NRG3: variants seen among roughly 807,000 people sequenced by gnomAD.
NRG3 encodes the protein pro-neuregulin-3, membrane-bound isoform.
In NRG3, 31 loss-of-function variants were observed where a neutral mutation model predicts 66.9. That is an observed-to-expected ratio of 0.46 (90% CI 0.35 to 0.63). The LOEUF is 0.63. Ranked by LOEUF, NRG3 falls within the 20% of genes least tolerant of loss-of-function variation. NRG3 has a pLI of 0.00. For missense variants in NRG3, 910 were observed against 878.9 expected (o/e 1.04, Z -0.45); for synonymous variants, 393 against 359.4 (o/e 1.09, Z -1.06).
At chr10:82,599,777 A>G (rs1160145953) in intron 2 of NRG3, among the ~76,000 whole-genome samples, 1 of 152,200 alleles carries the variant, frequency 6.6e-6, no homozygotes, top group Non-Finnish European at 1.5e-5. Flanking sequence ...AGATCATGCC[A>G]CTGAACTCCA....
chr10:82,384,339 A>G (rs569538449), intron 2 of NRG3, among the ~76,000 whole-genome samples: 3 of 152,240 alleles, frequency 2.0e-5, no homozygotes, highest in African/African-American at 7.2e-5. Flanking sequence ...AAAATGTTAC[A>G]TATGTAAAAA....
intron 1 of NRG3, among the ~76,000 whole-genome samples, chr10:81,966,958 C>A (rs2059753618): frequency 1.3e-5 from 2 of 151,096 alleles, no homozygotes; most frequent in African/African-American, 4.9e-5. Flanking sequence ...TTTGTTCTCT[C>A]TCTTTATTGC....
At chr10:82,883,880 T>A (rs1325247631) in intron 4 of NRG3, among the ~76,000 whole-genome samples, 1 of 151,602 alleles carries the variant, frequency 6.6e-6, no homozygotes, top group Non-Finnish European at 1.5e-5. Flanking sequence ...TTTTCTGTCA[T>A]TTTTTTTCAC....
At chr10:82,754,538 GA>G (rs5786572) in intron 3 of NRG3, among the ~76,000 whole-genome samples, 7,309 of 117,928 alleles carry the variant, frequency 0.062, 548 homozygotes, top group African/African-American at 0.19. Context: ...GGGGGGAAAA[GA>G]AAAAAAAAAA....
intron 2 of NRG3, among the ~76,000 whole-genome samples, chr10:82,642,251 C>G (rs1301221593): frequency 1.4e-5 from 2 of 141,920 alleles, no homozygotes; most frequent in Non-Finnish European, 3.1e-5. Context: ...CAACAAGTAA[C>G]CAAATAGTAG....
At chr10:82,815,363 A>G (rs971890007) in intron 3 of NRG3, among the ~76,000 whole-genome samples, 1 of 152,194 alleles carries the variant, frequency 6.6e-6, no homozygotes, top group African/African-American at 2.4e-5. Flanking sequence ...CATTTGTCAA[A>G]GAAATAGCAA....
intron 1 of NRG3, among the ~76,000 whole-genome samples, chr10:81,910,482 CT>C (rs1368267864): frequency 1.3e-5 from 2 of 152,140 alleles, no homozygotes; most frequent in African/African-American, 4.8e-5. Flanking sequence ...TAAATGTAAT[CT>C]ATGGGAAGCC....
At chr10:82,143,801 A>C (rs2070008147) in intron 1 of NRG3, among the ~76,000 whole-genome samples, 1 of 152,156 alleles carries the variant, frequency 6.6e-6, no homozygotes, top group Non-Finnish European at 1.5e-5. Flanking sequence ...AGTCTCAGGC[A>C]GGCAGATTGT....
chr10:82,917,053 C>T (rs1351107484), intron 4 of NRG3, among the ~76,000 whole-genome samples: 1 of 152,192 alleles, frequency 6.6e-6, no homozygotes, highest in East Asian at 1.9e-4. Context: ...TCCATTTCTA[C>T]ACAGTGGTGG....
At chr10:82,643,807 G>A (rs192505107) in intron 2 of NRG3, among the ~76,000 whole-genome samples, 66 of 151,490 alleles carry the variant, frequency 4.4e-4, no homozygotes, top group African/African-American at 1.3e-3. Flanking sequence ...CTACTTATTC[G>A]TTATTTGTCT....
chr10:82,166,819 C>A, intron 1 of NRG3: 1 of 671,422 alleles, frequency 1.5e-6, no homozygotes, highest in Non-Finnish European at 2.7e-6. Flanking sequence ...CGAATTCATA[C>A]AAATTTTGTA....
intron 2 of NRG3, among the ~76,000 whole-genome samples, chr10:82,462,071 C>T (rs889443167): frequency 1.3e-5 from 2 of 152,088 alleles, no homozygotes; most frequent in Non-Finnish European, 2.9e-5. Flanking sequence ...GCGGAGGTGG[C>T]GGTGAGCTGA....
chr10:82,613,035 T>C (rs965903982), intron 2 of NRG3, among the ~76,000 whole-genome samples: 7 of 152,186 alleles, frequency 4.6e-5, no homozygotes, highest in Non-Finnish European at 8.8e-5. Context: ...TTGTAGTTAA[T>C]AGTTTGAGAA....
intron 1 of NRG3, among the ~76,000 whole-genome samples, chr10:81,883,347 T>C (rs1275057647): frequency 1.3e-5 from 2 of 152,228 alleles, no homozygotes; most frequent in Non-Finnish European, 2.9e-5. Flanking sequence ...TATTACTTTT[T>C]GTTGTTATAA....
At chr10:82,418,097 C>T (rs1190189406) in intron 2 of NRG3, among the ~76,000 whole-genome samples, 1 of 152,168 alleles carries the variant, frequency 6.6e-6, no homozygotes, top group Non-Finnish European at 1.5e-5. Context: ...CCAAATGTGC[C>T]ATGCTGCACC....
At chr10:81,941,646 G>A (rs573785957) in intron 1 of NRG3, among the ~76,000 whole-genome samples, 4 of 152,078 alleles carry the variant, frequency 2.6e-5, no homozygotes, top group Non-Finnish European at 5.9e-5. Context: ...AAGAAAATGA[G>A]TTTTAGATTA....
intron 4 of NRG3, among the ~76,000 whole-genome samples, chr10:82,886,106 T>A (rs1274501032): frequency 1.3e-5 from 2 of 152,146 alleles, no homozygotes; most frequent in Admixed American, 1.3e-4. Context: ...CCTCTGGTGA[T>A]CCACCCACCT....
At chr10:82,342,867 C>T (rs6584658) in intron 1 of NRG3, among the ~76,000 whole-genome samples, 17,715 of 151,880 alleles carry the variant, frequency 0.12, 1,827 homozygotes, top group East Asian at 0.26. Flanking sequence ...AAAGTTTTTC[C>T]TAGGTTTTCT....
intron 3 of NRG3, among the ~76,000 whole-genome samples, chr10:82,760,055 G>A (rs950075064): frequency 6.6e-6 from 1 of 151,966 alleles, no homozygotes; most frequent in African/African-American, 2.4e-5. Context: ...AGAGGATTAG[G>A]GTAACCTCCT....
Sources: allele counts gnomAD v4.1 joint callset (sites outside exome capture counted in the v4.1 genomes callset), GRCh38; gene constraint gnomAD v4.1.1; transcripts MANE v1.5; gene names NCBI Gene and HGNC (gene_info 2026-07-23, HGNC 2026-07-21).